Variants in CPNE4 observed in about 807,000 individuals in gnomAD.
The protein encoded by CPNE4 is copine-4.
Under a neutral mutation model 67.9 loss-of-function variants are expected in CPNE4, and 25 were observed. The ratio of observed to expected loss-of-function variants is 0.37; its 90% CI spans 0.27 to 0.51. The LOEUF (loss-of-function observed/expected upper bound fraction) is 0.51, where lower values mean the gene tolerates loss of function less well. CPNE4 is among the 20% of genes least tolerant of loss of function. The probability of loss-of-function intolerance (pLI) is 0.93; values close to 1 mark genes in which losing one functional copy is unlikely to be tolerated. For missense variants in CPNE4, 464 were observed against 690.8 expected (o/e 0.67, Z 3.68); for synonymous variants, 242 against 244.9 (o/e 0.99, Z 0.11).
At position 131,954,785 on chromosome 3, in the gene CPNE4, G is replaced by A. The variant is rs577601027; in HGVS notation, c.-1-49341C>T. On this transcript the variant is annotated intron_variant, in intron 1 of 15. Transcript: ENST00000429747. The stretch of plus-strand genomic sequence containing the variant: ...CTTGTGATAGTTTGCTCAGAATGAC[G>A]GTTTCCAGCTTCGTCCATGTCCCTA... Among the ~76,000 whole-genome samples, 185 of 152,108 alleles carry A rather than the reference G, an allele frequency of 1.2e-3. 1 individual carries two copies. Among genetic ancestry groups the A allele is most frequent in the African/African-American group, 4.3e-3 (179 of 41,518 alleles).
chr3:132,029,873 G>A (rs1319261185), intron 1 of CPNE4, among the ~76,000 whole-genome samples: 1 of 138,532 alleles, frequency 7.2e-6, no homozygotes, highest in Non-Finnish European at 1.6e-5. Flanking sequence ...TCCTGGAACT[G>A]TAAACACTCA....
chr3:132,025,092 G>T (rs562492786), intron 1 of CPNE4, among the ~76,000 whole-genome samples: 1 of 152,300 alleles, frequency 6.6e-6, no homozygotes, highest in East Asian at 1.9e-4. Context: ...CCCTCCAGGA[G>T]ATTCGGAGAT....
intron 3 of CPNE4, among the ~76,000 whole-genome samples, chr3:131,721,362 AG>A (rs1252198064): frequency 6.7e-5 from 10 of 149,122 alleles, no homozygotes; most frequent in African/African-American, 2.2e-4. Flanking sequence ...AAAAAAAAAA[AG>A]ATCTTTAGTC....
At chr3:131,676,675 C>T (rs2080578278) in intron 6 of CPNE4, among the ~76,000 whole-genome samples, 1 of 152,068 alleles carries the variant, frequency 6.6e-6, no homozygotes, top group Admixed American at 6.6e-5. Flanking sequence ...AGAATAATGG[C>T]CCCTAGCTCC....
At chr3:131,823,167 T>C (rs1048844819) in intron 2 of CPNE4, among the ~76,000 whole-genome samples, 1 of 152,216 alleles carries the variant, frequency 6.6e-6, no homozygotes, top group African/African-American at 2.4e-5. Flanking sequence ...TCACAAGTTT[T>C]TTTATGCAGG....
chr3:131,748,868 G>A (rs2107793183), intron 2 of CPNE4, among the ~76,000 whole-genome samples: 1 of 151,012 alleles, frequency 6.6e-6, no homozygotes, highest in South Asian at 2.1e-4. Flanking sequence ...TTATTTCCCA[G>A]TTGTTACAGG....
chr3:131,835,798 G>T (rs1302592579), intron 2 of CPNE4, among the ~76,000 whole-genome samples: 4 of 152,052 alleles, frequency 2.6e-5, no homozygotes, highest in Admixed American at 6.6e-5. Context: ...TCAATGAAGA[G>T]GTGGTGACTC....
intron 2 of CPNE4, among the ~76,000 whole-genome samples, chr3:131,783,539 A>G (rs907673732): frequency 7.9e-5 from 12 of 152,070 alleles, no homozygotes; most frequent in African/African-American, 2.9e-4. Context: ...AGAACTGGCA[A>G]TGATGGAAGC....
At chr3:131,664,378 C>A (rs1483363467) in intron 7 of CPNE4, among the ~76,000 whole-genome samples, 3 of 152,054 alleles carry the variant, frequency 2.0e-5, no homozygotes, top group Admixed American at 2.0e-4. Context: ...TGATTAATGC[C>A]ATATTTCCTA....
At chr3:131,881,227 G>A (rs1270622098) in intron 2 of CPNE4, among the ~76,000 whole-genome samples, 2 of 152,162 alleles carry the variant, frequency 1.3e-5, no homozygotes, top group South Asian at 2.1e-4. Flanking sequence ...GTTAAAATGA[G>A]TGATTGCTGC....
At chr3:131,995,795 T>C (rs777251597) in intron 1 of CPNE4, among the ~76,000 whole-genome samples, 1 of 152,238 alleles carries the variant, frequency 6.6e-6, no homozygotes, top group Non-Finnish European at 1.5e-5. Context: ...ATTATCTCGA[T>C]GTGGTCCCTA....
At chr3:131,717,912 T>TTCTTTC (rs2081764062) in intron 3 of CPNE4, among the ~76,000 whole-genome samples, 12 of 146,816 alleles carry the variant, frequency 8.2e-5, no homozygotes, top group African/African-American at 3.0e-4. Flanking sequence ...CTTTCTTTCT[T>TTCTTTC]TCTTTCTTTC....
chr3:131,719,392 A>G (rs1450026348), intron 3 of CPNE4, among the ~76,000 whole-genome samples: 1 of 152,240 alleles, frequency 6.6e-6, no homozygotes, highest in Non-Finnish European at 1.5e-5. Context: ...AAATGAAATG[A>G]TCAGTATATA....
rs140984308 is a variant in CPNE4 at position 131,706,085 on chromosome 3, G to C, written c.361-6105C>G. On this transcript the variant is annotated intron_variant, in intron 3 of 15. Transcript: ENST00000429747. ...CATTTTGTCGGGTCAAGGGCACATGGTATCTTTTCAATCACTGCCTTTGGT... is the reference window on the plus strand; with the variant it reads ...CATTTTGTCGGGTCAAGGGCACATGCTATCTTTTCAATCACTGCCTTTGGT... Among the ~76,000 whole-genome samples, 4 of 152,296 alleles carry C rather than the reference G, an allele frequency of 2.6e-5. No individual in the cohort carries two copies. The East Asian group carries it at 7.7e-4, about 29-fold the overall frequency.
At chr3:131,614,811 A>C (rs1940045598) in intron 7 of CPNE4, among the ~76,000 whole-genome samples, 1 of 152,176 alleles carries the variant, frequency 6.6e-6, no homozygotes, top group Non-Finnish European at 1.5e-5. Flanking sequence ...CTAGAGATAC[A>C]ATAGTTACCT....
At chr3:131,967,584 C>G (rs1011030995) in intron 1 of CPNE4, among the ~76,000 whole-genome samples, 2 of 152,098 alleles carry the variant, frequency 1.3e-5, no homozygotes, top group African/African-American at 4.8e-5. Flanking sequence ...CAATAATAGA[C>G]AAACACAGAG....
intron 2 of CPNE4, among the ~76,000 whole-genome samples, chr3:131,759,823 A>G (rs1297595135): frequency 6.6e-6 from 1 of 152,182 alleles, no homozygotes; most frequent in Non-Finnish European, 1.5e-5. Flanking sequence ...AAATTTCAGC[A>G]CTATTCCTCC....
At chr3:131,816,898 A>G (rs1453867701) in intron 2 of CPNE4, among the ~76,000 whole-genome samples, 2 of 152,346 alleles carry the variant, frequency 1.3e-5, no homozygotes, top group Non-Finnish European at 2.9e-5. Context: ...TTATTGGGGT[A>G]TATTTTACAT....
At position 131,790,368 on chromosome 3, in the gene CPNE4, A is replaced by G. The variant is rs528624431; in HGVS notation, c.181-66743T>C. ...TGCTTAGCCAAAGCTCACCTTCCCC[A>G]GGGGTGCTTCTTTGTTCTGCAGGCC... On this transcript the variant is annotated intron_variant, in intron 2 of 15. Coordinates refer to ENST00000429747, the MANE Select transcript of CPNE4 (RefSeq NM_130808.3). Among the ~76,000 whole-genome samples, 11 of 152,230 alleles carry G rather than the reference A, an allele frequency of 7.2e-5. No individual in the cohort carries two copies. In the South Asian group the frequency reaches 1.5e-3, roughly 20 times the overall value.
Sources: gnomAD v4.1 joint callset for allele counts (sites outside exome capture counted in the v4.1 genomes callset) on GRCh38, gnomAD v4.1.1 for gene constraint, MANE v1.5 for transcripts, NCBI Gene and HGNC (gene_info 2026-07-23, HGNC 2026-07-21) for gene names.